The following AKAP9 variants were observed in gnomAD, a reference collection of about 807,000 sequenced individuals.
The protein encoded by AKAP9 is A-kinase anchor protein 9.
In AKAP9, 311 loss-of-function variants were observed where a neutral mutation model predicts 488.5. The observed-to-expected ratio is 0.64, with a 90% CI of 0.58 to 0.70. AKAP9 has a LOEUF of 0.70. Ranked by LOEUF, AKAP9 falls within the 30% of genes least tolerant of loss-of-function variation. AKAP9 has a pLI of 0.00. For synonymous variants in AKAP9, 1,462 were observed against 1,483.5 expected, an observed-to-expected ratio of 0.99 and a Z score of 0.33; for missense variants, 4,215 against 4,374.5, an observed-to-expected ratio of 0.96 and a Z score of 1.03.
Position 92,079,803 on chromosome 7 carries a change from G to C in AKAP9, c.7670G>C (p.Ser2557Thr), listed in dbSNP as rs754006562. 14 of 1,613,946 alleles carry C rather than the reference G, an allele frequency of 8.7e-6. No individual in the cohort carries two copies. The highest frequency in any genetic ancestry group is 1.3e-5 in the African/African-American group (1 of 74,934). Residue 2557 changes from serine (S) to threonine (T), a missense_variant, in exon 31 of 50, where the codon AGT becomes ACT. Ser to Thr is a moderately conservative substitution (Grantham distance 58). Transcript: ENST00000356239. The stretch of plus-strand genomic sequence containing the variant: ...GAAAAAGTGGCTGCTGCTCTTGTCA[G>C]TCAAATCCAACTTGAGGCAGTTCAG... ...VEEKVAAALV[S>T]QIQLEAVQEY...
At position 92,076,897 on chromosome 7, in the gene AKAP9, C is replaced by A; in HGVS notation, c.6655C>A (p.Leu2219Met). The change falls in exon 29 of 50, where the codon CTG becomes ATG. Residue 2219 changes from leucine (L) to methionine (M), a missense_variant. By Grantham distance (15) the Leu-to-Met change is conservative. Transcript: ENST00000356239. ...GCAATTAGAACAGTTTAGAGAAGAA[C>A]TGGAAAATAAGAATGAAGAAGTTCA... ...EEQLEQFREE[L>M]ENKNEEVQQL... 1 of 1,509,538 alleles carries A rather than the reference C, an allele frequency of 6.6e-7. No homozygotes were observed. Among genetic ancestry groups the A allele is most frequent in the Non-Finnish European group, 9.1e-7 (1 of 1,101,594 alleles). The allele number at this position is 1,509,538 out of a possible 1,614,324, so 93.5% of individuals were successfully genotyped here.
At chr7:92,069,887 A>G (rs759870392) in intron 26 of AKAP9, 143 bp from the exon 27 acceptor site, 15 of 717,552 alleles carry the variant, frequency 2.1e-5, no homozygotes, top group African/African-American at 3.6e-5. Context: ...ATGAGACTCC[A>G]TTTCTTAAAC....
chr7:92,094,417 C>T (rs1040234507), intron 39 of AKAP9, among the ~76,000 whole-genome samples: 2 of 151,878 alleles, frequency 1.3e-5, no homozygotes, highest in South Asian at 2.1e-4. Flanking sequence ...CCTGTAATCC[C>T]AGCTACATGG....
intron 2 of AKAP9, among the ~76,000 whole-genome samples, chr7:91,977,192 G>A (rs1795807150): frequency 6.6e-6 from 1 of 152,144 alleles, no homozygotes; most frequent in South Asian, 2.1e-4. Context: ...CCCAAGAGGT[G>A]GAGGCTGCAG....
chr7:92,045,830 CTTTTTTTTT>C (rs35346628), intron 21 of AKAP9, among the ~76,000 whole-genome samples: 1 of 108,914 alleles, frequency 9.2e-6, no homozygotes, highest in Non-Finnish European at 1.9e-5. Flanking sequence ...CTTTCCGTTT[CTTTTTTTTT>C]TTTTTTTTTT....
In AKAP9 at chr7:92,017,035, A is replaced by G; in HGVS notation, c.3770A>G (p.His1257Arg). The change falls in exon 12 of 50, where the codon CAC becomes CGC. Residue 1257 changes from histidine (H) to arginine (R), a missense_variant. By Grantham distance (29) the His-to-Arg change is conservative (BLOSUM62 0). Coordinates refer to ENST00000356239, the MANE Select transcript of AKAP9 (RefSeq NM_005751.5). The part of the protein sequence containing the change: ...YEVQDFQENM[H>R]TLLNKVTEEY... Reference sequence around the variant, plus strand: ...CATCCAGACTTTCAAGAAAATATGCACACTCTTCTCAACAAAGTAACAGAA... The same window carrying G: ...CATCCAGACTTTCAAGAAAATATGCGCACTCTTCTCAACAAAGTAACAGAA... 4.4e-6 allele frequency: 7 copies of G among 1,585,486 alleles called. No homozygotes were observed. Among genetic ancestry groups the G allele is most frequent in the Non-Finnish European group, 6.0e-6 (7 of 1,159,388 alleles).
intron 29 of AKAP9, 89 bp downstream of exon 29, chr7:92,077,096 C>CTTTT (rs36053963): frequency 5.0e-5 from 13 of 257,538 alleles, no homozygotes; most frequent in Non-Finnish European, 7.3e-5. Flanking sequence ...TTATTTCTTT[C>CTTTT]TTTTTTTTTT....
intron 26 of AKAP9, 30 bp from the exon 27 acceptor site, chr7:92,070,000 A>G: frequency 6.3e-7 from 1 of 1,598,626 alleles, no homozygotes; most frequent in South Asian, 1.1e-5. Flanking sequence ...AATTTTTTTT[A>G]AATTAAATTT....
intron 12 of AKAP9, among the ~76,000 whole-genome samples, chr7:92,018,435 C>CACACACAT (rs1554413473): frequency 6.9e-4 from 98 of 141,058 alleles, no homozygotes; most frequent in East Asian, 5.6e-3. Flanking sequence ...CACACACACA[C>CACACACAT]ACACACAGAG....
At chr7:92,037,534 G>C (rs1805393623) in intron 16 of AKAP9, among the ~76,000 whole-genome samples, 2 of 152,194 alleles carry the variant, frequency 1.3e-5, no homozygotes, top group Admixed American at 6.5e-5. Context: ...AGGACTTAAA[G>C]TTATTGATAC....
chr7:92,001,811 A>G lies in AKAP9; in HGVS notation c.1894A>G (p.Ser632Gly), dbSNP rs1799217613. 1.9e-6 allele frequency: 3 copies of G among 1,613,328 alleles called. No homozygotes were observed. In the South Asian group the frequency reaches 3.3e-5, roughly 18 times the overall value. Residue 632 changes from serine to glycine, a missense_variant, in exon 8 of 50, where the codon AGT becomes GGT. Transcript: ENST00000356239. Reference sequence around the variant, plus strand: ...GAGGCTGAGAACACAGCTTCTATTTAGTCACGAAGAAGAGCTTTCCAAACT... The same window carrying G: ...GAGGCTGAGAACACAGCTTCTATTTGGTCACGAAGAAGAGCTTTCCAAACT... ...LERLRTQLLF[S>G]HEEELSKLKE... is the part of the protein sequence containing the mutation.
chr7:91,998,618 G>C (rs576924941), intron 7 of AKAP9, among the ~76,000 whole-genome samples: 15 of 151,600 alleles, frequency 9.9e-5, no homozygotes, highest in Admixed American at 9.8e-4. Flanking sequence ...AAATGATACT[G>C]TTTTATGAAG....
At chr7:92,051,852 A>G (rs966603004) in intron 21 of AKAP9, among the ~76,000 whole-genome samples, 1 of 152,232 alleles carries the variant, frequency 6.6e-6, no homozygotes, top group East Asian at 1.9e-4. Flanking sequence ...CCTCTTCAGG[A>G]AACTTCACTG....
chr7:92,035,094 G>C (rs978638072), intron 16 of AKAP9, among the ~76,000 whole-genome samples: 2 of 152,226 alleles, frequency 1.3e-5, no homozygotes, highest in Admixed American at 6.5e-5. Flanking sequence ...TAGCGTTACA[G>C]CTTTAAACAT....
In AKAP9 at chr7:92,086,376, T is replaced by C. The variant is rs1214206783; in HGVS notation, c.9173T>C (p.Val3058Ala). The change falls in exon 37 of 50, where the codon GTT (valine) becomes GCT (alanine). Residue 3058 changes from valine (V) to alanine (A), a missense_variant. Physicochemically the swap from Val to Ala is moderately conservative, Grantham distance 64. This residue lies in a region of AKAP9 where 1,476 missense variants were observed against 1,477.4 expected (regional missense o/e 1.00). Coordinates refer to ENST00000356239, the MANE Select transcript of AKAP9 (RefSeq NM_005751.5). Reference protein sequence around the residue: ...ELTALGTTDAVGLLNCLEQRI... With the variant: ...ELTALGTTDAAGLLNCLEQRI... ...ACAGCTCTAGGTACTACAGATGCAGTTGGTTTACTAAACTGTTTGGAACAG... is the reference window on the plus strand; with the variant it reads ...ACAGCTCTAGGTACTACAGATGCAGCTGGTTTACTAAACTGTTTGGAACAG... 3.1e-6 allele frequency: 5 copies of C among 1,613,816 alleles called. No individual in the cohort carries two copies. In the Admixed American group the frequency reaches 5.0e-5, roughly 16 times the overall value.
intron 21 of AKAP9, among the ~76,000 whole-genome samples, chr7:92,048,339 GTAAAGAA>G (rs1425513739): frequency 6.6e-6 from 1 of 152,148 alleles, no homozygotes; most frequent in African/African-American, 2.4e-5. Context: ...CACTCAAAAA[GTAAAGAA>G]TAAAGTTGCT....
intron 38 of AKAP9, among the ~76,000 whole-genome samples, chr7:92,090,899 G>A (rs1815434144): frequency 6.6e-6 from 1 of 152,192 alleles, no homozygotes. Flanking sequence ...CTTAGTAGCA[G>A]TATATGAGAG....
chr7:92,025,322 CAG>C (rs1802942995), intron 14 of AKAP9, among the ~76,000 whole-genome samples: 2 of 152,192 alleles, frequency 1.3e-5, no homozygotes, highest in South Asian at 2.1e-4. Flanking sequence ...CACCCTCTCT[CAG>C]AGTTTCTATA....
chr7:91,977,117 G>A (rs562135123), intron 2 of AKAP9, among the ~76,000 whole-genome samples: 4 of 152,128 alleles, frequency 2.6e-5, no homozygotes, highest in East Asian at 1.9e-4. Context: ...AAAATTAGCC[G>A]GGCATGGTTG....
Sources: gnomAD v4.1 joint callset for allele counts (sites outside exome capture counted in the v4.1 genomes callset) on GRCh38, gnomAD v4.1.1 for gene constraint, gnomAD v4.1.1 regional missense constraint, MANE v1.5 for transcripts, NCBI Gene and HGNC (gene_info 2026-07-23, HGNC 2026-07-21) for gene names.